Variants in ADAMTSL1 observed in about 807,000 individuals in gnomAD.
The protein encoded by ADAMTSL1 is ADAMTS like 1, also known as ADAMTS-like protein 1.
Under a neutral mutation model 201.8 loss-of-function variants are expected in ADAMTSL1, and 126 were observed. The ratio of observed to expected loss-of-function variants is 0.62; its 90% confidence interval spans 0.54 to 0.72. The LOEUF (loss-of-function observed/expected upper bound fraction) is 0.72, where lower values mean the gene tolerates loss of function less well. ADAMTSL1 is among the 30% of genes least tolerant of loss of function. The probability of loss-of-function intolerance (pLI) is 0.00; values close to 1 mark genes in which losing one functional copy is unlikely to be tolerated. For synonymous variants in ADAMTSL1, 1,121 were observed against 903.4 expected, an observed-to-expected ratio of 1.24 and a Z score of -4.32; for missense variants, 2,679 against 2,277.8, an observed-to-expected ratio of 1.18 and a Z score of -3.59.
chr9:18,055,527 A>C (rs935900769), intron 1 of ADAMTSL1, among the ~76,000 whole-genome samples: 1 of 152,250 alleles, frequency 6.6e-6, no homozygotes, highest in Non-Finnish European at 1.5e-5. Context: ...ATGTCAATAC[A>C]TTAAATGCTT....
intron 1 of ADAMTSL1, among the ~76,000 whole-genome samples, chr9:18,067,353 G>T (rs1482092555): frequency 1.3e-5 from 2 of 151,228 alleles, no homozygotes; most frequent in Non-Finnish European, 3.0e-5. Flanking sequence ...TACCTGGCAT[G>T]CAGTGAAAAT....
chr9:18,544,899 T>C (rs1207518325), intron 3 of ADAMTSL1, among the ~76,000 whole-genome samples: 1 of 152,184 alleles, frequency 6.6e-6, no homozygotes, highest in African/African-American at 2.4e-5. Context: ...AACTTTCAAC[T>C]GATGAAGAGA....
chr9:18,721,644 A>C lies in ADAMTSL1; in HGVS notation c.1985A>C (p.Asn662Thr), dbSNP rs144658832. 2.5e-6 allele frequency: 4 copies of C among 1,613,830 alleles called. No homozygotes were observed. Among genetic ancestry groups the C allele is most frequent in the Non-Finnish European group, 2.5e-6 (3 of 1,179,854 alleles). Residue 662 changes from asparagine (N) to threonine (T), a missense_variant, in exon 15 of 29, where the codon AAT (asparagine) becomes ACT (threonine). Coordinates refer to ENST00000380548, the MANE Select transcript of ADAMTSL1 (RefSeq NM_001040272.6). ...CCCCCACAGCTCCTGAAGTCCTGCA[A>C]TTTGGATCCCTGCCCAGCAAGGTAA... ...RRPPQLLKSC[N>T]LDPCPARWEI...
Position 18,688,959 on chromosome 9 carries a change from A to G in ADAMTSL1, c.1574+4159A>G, listed in dbSNP as rs77909767. Among the ~76,000 whole-genome samples the G allele has an allele frequency of 4.7e-3, 715 of 151,950 alleles. 2 individuals are homozygous for G. Among genetic ancestry groups the G allele is most frequent in the African/African-American group, 0.016 (674 of 41,448 alleles). ...ATTATCTTCTGTTAAAGTTCAAACTATGTCATTTCGAATTTCCCTCCAGCT... is the reference window on the plus strand; with the variant it reads ...ATTATCTTCTGTTAAAGTTCAAACTGTGTCATTTCGAATTTCCCTCCAGCT... On this transcript the variant is annotated intron_variant, in intron 13 of 28. Transcript: ENST00000380548.
intron 2 of ADAMTSL1, among the ~76,000 whole-genome samples, chr9:18,196,966 C>T (rs1430374442): frequency 6.6e-6 from 1 of 152,132 alleles, no homozygotes; most frequent in African/African-American, 2.4e-5. Flanking sequence ...CTCCCTCACA[C>T]ACATGCTAAT....
intron 2 of ADAMTSL1, among the ~76,000 whole-genome samples, chr9:18,234,068 C>T (rs1830747508): frequency 1.3e-5 from 2 of 152,156 alleles, no homozygotes; most frequent in African/African-American, 4.8e-5. Flanking sequence ...GAAGTGCACA[C>T]ATTGGAGAAC....
intron 23 of ADAMTSL1, among the ~76,000 whole-genome samples, chr9:18,881,675 G>A (rs922837056): frequency 1.3e-5 from 2 of 152,188 alleles, no homozygotes; most frequent in East Asian, 3.9e-4. Context: ...AATCATGCCA[G>A]TAGATTTGCT....
chr9:18,063,525 C>T (rs1423854308), intron 1 of ADAMTSL1, among the ~76,000 whole-genome samples: 1 of 152,198 alleles, frequency 6.6e-6, no homozygotes, highest in Non-Finnish European at 1.5e-5. Context: ...GAAGAGGACA[C>T]AGAGACATTC....
chr9:18,055,231 G>A (rs190103763), intron 1 of ADAMTSL1, among the ~76,000 whole-genome samples: 1 of 152,336 alleles, frequency 6.6e-6, no homozygotes, highest in East Asian at 1.9e-4. Flanking sequence ...AGTAAAAGCA[G>A]ATACATAGCT....
At chr9:18,896,715 T>C (rs1160961937) in intron 26 of ADAMTSL1, among the ~76,000 whole-genome samples, 1 of 152,124 alleles carries the variant, frequency 6.6e-6, no homozygotes, top group Non-Finnish European at 1.5e-5. Flanking sequence ...CCTACATATC[T>C]TTGCAATCAG....
At chr9:18,426,999 T>C (rs1563953563) in intron 2 of ADAMTSL1, among the ~76,000 whole-genome samples, 1 of 152,194 alleles carries the variant, frequency 6.6e-6, no homozygotes, top group Non-Finnish European at 1.5e-5. Flanking sequence ...TCTGTACACA[T>C]CCCACATAGC....
chr9:18,484,860 A>G (rs528102474), intron 1 of ADAMTSL1, among the ~76,000 whole-genome samples: 2 of 152,090 alleles, frequency 1.3e-5, no homozygotes, highest in African/African-American at 2.4e-5. Flanking sequence ...AAAATTTCAG[A>G]AAAAAAATAA....
chr9:18,220,895 C>G (rs954970832), intron 2 of ADAMTSL1, among the ~76,000 whole-genome samples: 3 of 152,036 alleles, frequency 2.0e-5, no homozygotes, highest in Non-Finnish European at 4.4e-5. Context: ...CTGCCTCACC[C>G]TCCCAAGTAG....
chr9:18,139,236 A>G (rs1276080750), intron 1 of ADAMTSL1, among the ~76,000 whole-genome samples: 2 of 152,128 alleles, frequency 1.3e-5, no homozygotes, highest in African/African-American at 2.4e-5. Context: ...TTCATGAGGC[A>G]TATGTTGTTC....
intron 2 of ADAMTSL1, among the ~76,000 whole-genome samples, chr9:18,332,999 C>G (rs1179890842): frequency 6.6e-6 from 1 of 152,160 alleles, no homozygotes; most frequent in Non-Finnish European, 1.5e-5. Flanking sequence ...ATTGTTGGCA[C>G]CTAGCAGGCA....
rs538775857 is a variant in ADAMTSL1, at chr9:18,033,708, GC to G, written c.87+126789del. Reference sequence around the variant, plus strand: ...CATATTCAGTCCACAATTAGCTCTTGCCCTCACCGTCTGCACGCTATAGTTC... The same window carrying G: ...CATATTCAGTCCACAATTAGCTCTTGCCTCACCGTCTGCACGCTATAGTTC... On this transcript the variant is annotated intron_variant, in intron 1 of 29. Coordinates refer to the ADAMTSL1 transcript ENST00000680146. Among the ~76,000 whole-genome samples the G allele has an allele frequency of 3.4e-4, 52 of 152,234 alleles. 1 individual carries two copies. Among genetic ancestry groups the G allele is most frequent in the African/African-American group, 1.1e-3 (46 of 41,552 alleles).
At chr9:18,552,330 C>G (rs1224340702) in intron 3 of ADAMTSL1, among the ~76,000 whole-genome samples, 1 of 151,780 alleles carries the variant, frequency 6.6e-6, no homozygotes, top group Non-Finnish European at 1.5e-5. Flanking sequence ...ATGATTCCTT[C>G]AGGTCATAAA....
intron 20 of ADAMTSL1, among the ~76,000 whole-genome samples, chr9:18,796,119 G>C (rs181776878): frequency 6.3e-4 from 96 of 152,304 alleles, no homozygotes; most frequent in Non-Finnish European, 1.2e-3. Flanking sequence ...AGAGTACCAT[G>C]TCTCCCATAG....
chr9:18,074,362 G>A lies in ADAMTSL1; in HGVS notation c.88-89500G>A, dbSNP rs544999557. On this transcript the variant is annotated intron_variant, in intron 1 of 29. Transcript: ENST00000680146. ...GGAGATTCCTGCAAATAGGTGTGGA[G>A]CAGAGAAACGAAGAGTATGTTGTCT... Among the ~76,000 whole-genome samples, 5 of 152,294 alleles carry A rather than the reference G, an allele frequency of 3.3e-5. No individual in the cohort carries two copies. In the East Asian group the frequency reaches 9.7e-4, roughly 29 times the overall value.
Sources: allele counts gnomAD v4.1 joint callset (sites outside exome capture counted in the v4.1 genomes callset), GRCh38; gene constraint gnomAD v4.1.1; transcripts MANE v1.5; gene names NCBI Gene and HGNC (gene_info 2026-07-23, HGNC 2026-07-21).